Variants in TRAPPC10 observed in about 807,000 individuals in gnomAD.
TRAPPC10 encodes trafficking protein particle complex subunit 10.
TRAPPC10 carries 23 observed loss-of-function variants against 125.5 expected under a neutral mutation model. The observed-to-expected ratio is 0.18, with a 90% CI of 0.13 to 0.26. The LOEUF is 0.26. TRAPPC10 is among the 10% of genes least tolerant of loss of function. TRAPPC10 has a pLI of 1.00. For synonymous variants in TRAPPC10, 509 were observed against 518.0 expected (o/e 0.98, Z 0.24); for missense variants, 1,123 against 1,308.4 (o/e 0.86, Z 2.19).
chr21:44,013,516 T>C (rs764375536), intron 1 of TRAPPC10, among the ~76,000 whole-genome samples: 4 of 152,232 alleles, frequency 2.6e-5, no homozygotes, highest in Non-Finnish European at 4.4e-5. Flanking sequence ...TGTTGCAAAA[T>C]CTGGGTGCCC....
intron 3 of TRAPPC10, among the ~76,000 whole-genome samples, chr21:44,049,662 C>T (rs977317538): frequency 1.6e-4 from 25 of 152,312 alleles, no homozygotes; most frequent in Non-Finnish European, 3.7e-4. Flanking sequence ...CTGTACTTCC[C>T]TCTACTGCCA....
intron 2 of TRAPPC10, among the ~76,000 whole-genome samples, chr21:44,032,984 C>T (rs1055009074): frequency 6.6e-6 from 1 of 152,216 alleles, no homozygotes; most frequent in Non-Finnish European, 1.5e-5. Flanking sequence ...TTAGATCAGC[C>T]ATCACCGTTG....
chr21:44,032,185 T>C lies in TRAPPC10; in HGVS notation c.149+13T>C. ...TGGAATGGAGAAGGTATGAGTTGTG[T>C]GTTTTTTGGCTGTATCCCTCTCTTC... On this transcript the variant is annotated intron_variant, in intron 2 of 22. Coordinates refer to ENST00000291574, the MANE Select transcript of TRAPPC10 (RefSeq NM_003274.5). The C allele has an allele frequency of 6.2e-7, 1 of 1,608,784 alleles. No homozygotes were observed. Among genetic ancestry groups the C allele is most frequent in the Middle Eastern group, 1.7e-4 (1 of 6,052 alleles).
At chr21:44,031,944 T>G (rs2033613053) in intron 1 of TRAPPC10, 147 bp from the exon 2 acceptor site, 5 of 669,062 alleles carry the variant, frequency 7.5e-6, no homozygotes, top group Admixed American at 2.5e-5. Flanking sequence ...AGACGTGTTA[T>G]GTAGAGGCAC....
chr21:44,094,105 A>C lies in TRAPPC10; in HGVS notation c.3040A>C (p.Lys1014Gln). Residue 1014 changes from lysine to glutamine, a missense_variant, in exon 20 of 23, where the codon AAG (lysine) becomes CAG (glutamine). Coordinates refer to ENST00000291574, the MANE Select transcript of TRAPPC10 (RefSeq NM_003274.5). Reference protein sequence around the residue: ...KQSVFFVWELKWTEEPPPSLH... With the variant: ...KQSVFFVWELQWTEEPPPSLH... The stretch of plus-strand genomic sequence containing the variant: ...GTCGGTGTTCTTCGTCTGGGAACTC[A>C]AGTGGACAGAAGAGCCTCCCCCTTC... 1 of 1,614,048 alleles carries C rather than the reference A, an allele frequency of 6.2e-7. No individual in the cohort carries two copies. Among genetic ancestry groups the C allele is most frequent in the Non-Finnish European group, 8.5e-7 (1 of 1,179,994 alleles).
intron 7 of TRAPPC10, among the ~76,000 whole-genome samples, chr21:44,064,119 G>T (rs1328153966): frequency 6.6e-6 from 1 of 152,198 alleles, no homozygotes; most frequent in Non-Finnish European, 1.5e-5. Context: ...GACACGCAGA[G>T]CTAGATTTTG....
intron 1 of TRAPPC10, among the ~76,000 whole-genome samples, chr21:44,017,476 CT>C (rs2032000526): frequency 6.6e-6 from 1 of 151,888 alleles, no homozygotes; most frequent in South Asian, 2.1e-4. Flanking sequence ...CTTTTAGTGT[CT>C]CGGTAATTTT....
intron 9 of TRAPPC10, among the ~76,000 whole-genome samples, chr21:44,075,469 T>A (rs887037091): frequency 6.6e-6 from 1 of 152,052 alleles, no homozygotes; most frequent in African/African-American, 2.4e-5. Flanking sequence ...TCTGTTTTTC[T>A]AACAATACGA....
chr21:44,032,251 T>TTGTTTAGA, intron 2 of TRAPPC10, 79 bp downstream of exon 2: 2 of 1,199,466 alleles, frequency 1.7e-6, no homozygotes, highest in South Asian at 2.7e-5. Context: ...TAAGTATATG[T>TTGTTTAGA]TGTTTAGACA....
chr21:44,077,917 A>G (rs1408940582), intron 11 of TRAPPC10, 133 bp downstream of exon 11: 3 of 538,532 alleles, frequency 5.6e-6, no homozygotes, highest in Non-Finnish European at 8.8e-6. Flanking sequence ...CCCAGTCCTC[A>G]TAATTTTTTT....
At chr21:44,073,534 TG>T (rs1383088583) in intron 7 of TRAPPC10, among the ~76,000 whole-genome samples, 1 of 152,214 alleles carries the variant, frequency 6.6e-6, no homozygotes, top group Non-Finnish European at 1.5e-5. Flanking sequence ...TTCTTTTTTT[TG>T]TTTTTTAAGT....
intron 2 of TRAPPC10, 84 bp from the exon 3 acceptor site, chr21:44,037,708 T>C (rs2034092791): frequency 5.4e-6 from 8 of 1,482,508 alleles, no homozygotes; most frequent in Admixed American, 3.8e-5. Flanking sequence ...ATGCATACCA[T>C]TACATTATTT....
intron 7 of TRAPPC10, among the ~76,000 whole-genome samples, chr21:44,072,296 G>A (rs755426649): frequency 1.3e-5 from 2 of 152,182 alleles, no homozygotes; most frequent in African/African-American, 2.4e-5. Flanking sequence ...GCCTGGTCGC[G>A]GAGCGGCCCT....
At chr21:44,022,203 G>T (rs1020876416) in intron 1 of TRAPPC10, among the ~76,000 whole-genome samples, 1 of 151,570 alleles carries the variant, frequency 6.6e-6, no homozygotes, top group African/African-American at 2.4e-5. Context: ...CCGCCTCTCG[G>T]GTTCAAGCAA....
rs977297342 is a variant in TRAPPC10, at chr21:44,100,993, T to G, written c.3347-1785T>G. On this transcript the variant is annotated intron_variant, in intron 21 of 22. Coordinates refer to ENST00000291574, the MANE Select transcript of TRAPPC10 (RefSeq NM_003274.5). ...TAATATGGCGAAACCCCATCTCTAC[T>G]AAGAATACAAAAATTAGCTGGGCGT... is the stretch of plus-strand genomic sequence containing the variant. 1.7e-4 allele frequency among the ~76,000 whole-genome samples: 12 copies of G among 71,868 alleles called. 4 individuals are homozygous for G. The highest frequency in any genetic ancestry group is 3.7e-4 in the African/African-American group (12 of 32,764). 47.1% of individuals were successfully genotyped at this position (71,868 alleles called of 152,430 possible).
At chr21:44,021,562 A>G (rs2032506258) in intron 1 of TRAPPC10, among the ~76,000 whole-genome samples, 1 of 152,206 alleles carries the variant, frequency 6.6e-6, no homozygotes, top group Non-Finnish European at 1.5e-5. Context: ...TTGCTTCTCT[A>G]TACCCCTCAT....
At chr21:44,054,796 A>G (rs1482393942) in intron 4 of TRAPPC10, among the ~76,000 whole-genome samples, 4 of 152,066 alleles carry the variant, frequency 2.6e-5, no homozygotes, top group Non-Finnish European at 5.9e-5. Flanking sequence ...AGTGGGAGGG[A>G]TAGAGGTCCA....
At position 44,037,263 on chromosome 21, in the gene TRAPPC10, C is replaced by T. The variant is rs188823535; in HGVS notation, c.150-529C>T. On this transcript the variant is annotated intron_variant, in intron 2 of 22. Coordinates refer to ENST00000291574, the MANE Select transcript of TRAPPC10 (RefSeq NM_003274.5). Reference sequence around the variant, plus strand: ...GGGATTTCTTGATGGGTTCCTTCTTCTTGGGTTGAGAATAAAGTAGAGGTT... The same window carrying T: ...GGGATTTCTTGATGGGTTCCTTCTTTTTGGGTTGAGAATAAAGTAGAGGTT... 3.3e-3 allele frequency among the ~76,000 whole-genome samples: 509 copies of T among 152,200 alleles called. 2 individuals carry two copies. Among genetic ancestry groups the T allele is most frequent in the African/African-American group, 0.011 (476 of 41,524 alleles).
chr21:44,086,977 C>G lies in TRAPPC10; in HGVS notation c.2539+17C>G. ...ACACGAGAGGTGAGGTGCCGCCCAC[C>G]CAGGCCCAAGGAGGATGCCCACCTT... On this transcript the variant is annotated intron_variant, in intron 16 of 22. Coordinates refer to ENST00000291574, the MANE Select transcript of TRAPPC10 (RefSeq NM_003274.5). 1 of 1,613,006 alleles carries G rather than the reference C, an allele frequency of 6.2e-7. No individual in the cohort carries two copies. Among genetic ancestry groups the G allele is most frequent in the Non-Finnish European group, 8.5e-7 (1 of 1,179,412 alleles).
Sources: gnomAD v4.1 joint callset for allele counts (sites outside exome capture counted in the v4.1 genomes callset) on GRCh38, gnomAD v4.1.1 for gene constraint, MANE v1.5 for transcripts, NCBI Gene and HGNC (gene_info 2026-07-23, HGNC 2026-07-21) for gene names.